RIMS1: variants seen among roughly 807,000 people sequenced by gnomAD.
The protein encoded by RIMS1 is regulating synaptic membrane exocytosis protein 1.
A neutral mutation model predicts 214.1 loss-of-function variants in RIMS1; 83 were observed. That is an observed-to-expected ratio of 0.39 (90% CI 0.32 to 0.47). The LOEUF is 0.47. RIMS1 is among the 20% of genes least tolerant of loss of function. The pLI is 0.99. For synonymous variants in RIMS1, 793 were observed against 786.8 expected (o/e 1.01, Z -0.13); for missense variants, 2,050 against 2,161.8 (o/e 0.95, Z 1.03).
At chr6:71,997,247 G>T (rs1044234589) in intron 2 of RIMS1, among the ~76,000 whole-genome samples, 1 of 152,036 alleles carries the variant, frequency 6.6e-6, no homozygotes, top group African/African-American at 2.4e-5. Flanking sequence ...CTTGACATAA[G>T]TTTTCAAATT....
chr6:72,254,176 T>G (rs1304847208), intron 16 of RIMS1, among the ~76,000 whole-genome samples: 1 of 152,194 alleles, frequency 6.6e-6, no homozygotes, highest in South Asian at 2.1e-4. Context: ...AAATGTAGTA[T>G]TTAATCACTG....
At chr6:72,035,211 A>G (rs980719674) in intron 2 of RIMS1, among the ~76,000 whole-genome samples, 16 of 152,292 alleles carry the variant, frequency 1.1e-4, no homozygotes, top group African/African-American at 3.4e-4. Flanking sequence ...CAATGCCTCA[A>G]ATTGGTAAGG....
chr6:71,898,538 A>T (rs192016605), intron 1 of RIMS1, among the ~76,000 whole-genome samples: 3 of 152,278 alleles, frequency 2.0e-5, no homozygotes, highest in Admixed American at 6.5e-5. Flanking sequence ...TTTCAGAATT[A>T]GGCTGAGTTG....
At chr6:72,210,407 T>C (rs1003832782) in intron 6 of RIMS1, among the ~76,000 whole-genome samples, 19 of 152,306 alleles carry the variant, frequency 1.2e-4, no homozygotes, top group South Asian at 1.0e-3. Flanking sequence ...TAGAAAAGAA[T>C]AGAATATGCA....
rs576371692 is a variant in RIMS1 at position 72,164,922 on chromosome 6, C to A, written c.472-14653C>A. On this transcript the variant is annotated intron_variant, in intron 4 of 33. Transcript: ENST00000521978. ...TATGACCTCAAGTAAACCTAATTAC[C>A]CTCCAAAGGCCCCAACTCCAAATAT... Among the ~76,000 whole-genome samples, 46 of 152,186 alleles carry A rather than the reference C, an allele frequency of 3.0e-4. 1 individual carries two copies. The South Asian group carries it at 8.9e-3, about 30-fold the overall frequency.
At chr6:71,897,890 C>T (rs990121979) in intron 1 of RIMS1, among the ~76,000 whole-genome samples, 5 of 152,030 alleles carry the variant, frequency 3.3e-5, no homozygotes, top group South Asian at 2.1e-4. Flanking sequence ...GGGCTGCTAA[C>T]GGTATAAGTA....
chr6:72,341,607 A>T (rs1404588435), intron 29 of RIMS1, among the ~76,000 whole-genome samples: 1 of 151,842 alleles, frequency 6.6e-6, no homozygotes, highest in African/African-American at 2.4e-5. Context: ...TGGGTGTTTC[A>T]AAAATAGAAG....
intron 26 of RIMS1, among the ~76,000 whole-genome samples, chr6:72,302,960 T>G (rs1335119275): frequency 1.3e-5 from 2 of 151,098 alleles, no homozygotes; most frequent in Non-Finnish European, 3.0e-5. Context: ...ACGTCTGAAA[T>G]TTCAAATTCA....
chr6:72,335,178 T>A (rs542872053), intron 29 of RIMS1, among the ~76,000 whole-genome samples: 1 of 151,994 alleles, frequency 6.6e-6, no homozygotes, highest in South Asian at 2.1e-4. Flanking sequence ...CACACCTACA[T>A]TAGATATTTC....
rs527706725 is a variant in RIMS1, at chr6:72,226,405, C to T, written c.1679-7368C>T. Among the ~76,000 whole-genome samples, 282 of 152,054 alleles carry T rather than the reference C, an allele frequency of 1.9e-3. 2 individuals carry two copies. Among genetic ancestry groups the T allele is most frequent in the African/African-American group, 6.3e-3 (261 of 41,504 alleles). ...CCAATTTCTTTTAATTTCTCAATAT[C>T]GATTACCCTTTTCAAAGCAAACCCA... On this transcript the variant is annotated intron_variant, in intron 6 of 33. Coordinates refer to ENST00000521978, the MANE Select transcript of RIMS1 (RefSeq NM_014989.7).
At chr6:72,050,731 C>A (rs1313957889) in intron 2 of RIMS1, among the ~76,000 whole-genome samples, 1 of 152,130 alleles carries the variant, frequency 6.6e-6, no homozygotes, top group East Asian at 1.9e-4. Context: ...CACTGATGAG[C>A]CCTTTGTGGG....
At chr6:72,166,232 A>C (rs78147985) in intron 4 of RIMS1, among the ~76,000 whole-genome samples, 17,832 of 151,810 alleles carry the variant, frequency 0.12, 1,283 homozygotes, top group South Asian at 0.18. Flanking sequence ...GCACACATAC[A>C]CAGTGAGAGA....
chr6:72,089,671 A>G (rs1209310804), intron 2 of RIMS1, among the ~76,000 whole-genome samples: 1 of 151,724 alleles, frequency 6.6e-6, no homozygotes, highest in Non-Finnish European at 1.5e-5. Context: ...ATTACTGGGT[A>G]TATACCCAAA....
rs1383511140 is a variant in RIMS1, at chr6:72,263,130, G to T, written c.3117-1845G>T. ...AGATGTTTCACCAATAAGAGTTTTT[G>T]TGAGTCAAATACATTTTGGAAACTT... is the stretch of plus-strand genomic sequence containing the variant. On this transcript the variant is annotated intron_variant, in intron 19 of 33. Coordinates refer to ENST00000521978, the MANE Select transcript of RIMS1 (RefSeq NM_014989.7). The T allele has an allele frequency of 4.1e-6, 4 of 984,380 alleles. No individual in the cohort carries two copies. The East Asian group carries it at 4.5e-4, about 112-fold the overall frequency. The allele number at this position is 984,380 out of a possible 1,614,324, so 61.0% of individuals were successfully genotyped here.
intron 28 of RIMS1, among the ~76,000 whole-genome samples, chr6:72,319,783 C>T (rs912475593): frequency 6.6e-6 from 1 of 151,708 alleles, no homozygotes; most frequent in Non-Finnish European, 1.5e-5. Context: ...ATTCCTAGAT[C>T]TATGTTTTTA....
intron 23 of RIMS1, among the ~76,000 whole-genome samples, chr6:72,275,120 GTATATATATATATATATATATATA>G (rs10526446): frequency 0.085 from 6,937 of 81,268 alleles, 752 homozygotes; most frequent in Non-Finnish European, 0.11. Flanking sequence ...CTATTTTATG[GTATATATATATATATATATATATA>G]TATATATATA....
At chr6:72,035,777 A>G (rs569662015) in intron 2 of RIMS1, among the ~76,000 whole-genome samples, 6 of 152,262 alleles carry the variant, frequency 3.9e-5, no homozygotes, top group African/African-American at 1.4e-4. Flanking sequence ...AGGGGTTTAT[A>G]CCAGCAAAGT....
chr6:72,144,868 G>T, intron 4 of RIMS1, among the ~76,000 whole-genome samples: 1 of 149,904 alleles, frequency 6.7e-6, no homozygotes, highest in Non-Finnish European at 1.5e-5. Context: ...GTATGATAAG[G>T]ATTTTTTTTC....
intron 1 of RIMS1, among the ~76,000 whole-genome samples, chr6:71,907,562 TAGAA>T (rs1407316407): frequency 6.6e-6 from 1 of 152,144 alleles, no homozygotes; most frequent in Non-Finnish European, 1.5e-5. Flanking sequence ...TTAGAAGTGA[TAGAA>T]AGTTAAAAAT....
Sources: gnomAD v4.1 joint callset for allele counts (sites outside exome capture counted in the v4.1 genomes callset) on GRCh38, gnomAD v4.1.1 for gene constraint, MANE v1.5 for transcripts, NCBI Gene and HGNC (gene_info 2026-07-23, HGNC 2026-07-21) for gene names.